The following RPUSD3 variants were observed in gnomAD, a reference collection of about 807,000 sequenced individuals.
RPUSD3 encodes mitochondrial mRNA pseudouridine synthase RPUSD3.
Under a neutral mutation model 35.1 loss-of-function variants are expected in RPUSD3, and 36 were observed. The observed-to-expected ratio is 1.02, with a 90% CI of 0.79 to 1.35. RPUSD3 has a LOEUF of 1.35. RPUSD3 is among the 40% of genes most tolerant of loss of function. The pLI, the probability that RPUSD3 is intolerant of heterozygous loss-of-function variation, is 0.00. For synonymous variants in RPUSD3, 202 were observed against 187.8 expected, an observed-to-expected ratio of 1.08 and a Z score of -0.62; for missense variants, 486 against 441.9, an observed-to-expected ratio of 1.10 and a Z score of -0.89.
At chr3:9,843,761 C>A in intron 1 of RPUSD3, 129 bp downstream of exon 1, 1 of 1,539,512 alleles carries the variant, frequency 6.5e-7, no homozygotes, top group Non-Finnish European at 8.8e-7. Flanking sequence ...CATTCTACAG[C>A]GGAGGGCACC....
chr3:9,841,012 C>G (rs1158726027), intron 4 of RPUSD3: 1 of 403,504 alleles, frequency 2.5e-6, no homozygotes. Context: ...CCCCGGCCCC[C>G]AGGGAACTCA....
intron 4 of RPUSD3, 81 bp from the exon 5 acceptor site, chr3:9,840,886 T>C: frequency 1.0e-6 from 1 of 979,174 alleles, no homozygotes. Context: ...AACACTGACC[T>C]GCTTCAGGCC....
rs532193337 is a variant in RPUSD3, at chr3:9,842,328, G to T, written c.263-85C>A. On this transcript the variant is annotated intron_variant, in intron 2 of 8. Coordinates refer to ENST00000383820, the Ensembl canonical transcript of RPUSD3. ...AAGAGTTTCCAGAGCACTTTCTCAC[G>T]CATCTTAGCACATGTCCCCATCATG... 7 of 1,290,992 alleles carry T rather than the reference G, an allele frequency of 5.4e-6. No individual in the cohort carries two copies. The Admixed American group carries it at 8.4e-5, about 15-fold the overall frequency. 80.0% of individuals were successfully genotyped at this position (1,290,992 alleles called of 1,614,324 possible).
intron 5 of RPUSD3, 28 bp from the exon 6 acceptor site, chr3:9,840,644 G>C (rs1478494408): frequency 3.1e-6 from 5 of 1,612,458 alleles, no homozygotes; most frequent in Non-Finnish European, 4.2e-6. Context: ...GGAGGTCACA[G>C]GGTGGCTTGC....
Position 9,843,874 on chromosome 3 carries a change from G to C in RPUSD3, c.125+16C>G, listed in dbSNP as rs1204716771. On this transcript the variant is annotated intron_variant, in intron 1 of 8. Coordinates refer to ENST00000383820, the Ensembl canonical transcript of RPUSD3. The stretch of plus-strand genomic sequence containing the variant: ...CCTAGCCTCCGTCCCGCATGAGAGA[G>C]GGGGTACTTAATCACCGGGCTTCGG... 1.9e-6 allele frequency: 3 copies of C among 1,597,538 alleles called. No homozygotes were observed. The African/African-American group carries it at 4.0e-5, about 21-fold the overall frequency.
intron 2 of RPUSD3, chr3:9,843,120 G>T (rs942617927): frequency 1.1e-4 from 27 of 246,038 alleles, no homozygotes; most frequent in Admixed American, 2.4e-4. Flanking sequence ...TCGAACTCCT[G>T]ACCTCAGGTG....
At chr3:9,838,985 C>T in intron 8 of RPUSD3, 47 bp downstream of exon 8, 1 of 1,613,142 alleles carries the variant, frequency 6.2e-7, no homozygotes, top group Non-Finnish European at 8.5e-7. Context: ...CCATGCTCAC[C>T]TCTCCCTCCA....
At chr3:9,843,414 C>G (rs2082130994) in intron 2 of RPUSD3, 51 bp downstream of exon 2, 3 of 1,606,046 alleles carry the variant, frequency 1.9e-6, no homozygotes, top group Non-Finnish European at 2.6e-6. Context: ...CAACTGCACG[C>G]CGAGGCAGTC....
At chr3:9,841,802 C>G (rs537475819) in intron 4 of RPUSD3, 181 bp downstream of exon 4, 1 of 581,698 alleles carries the variant, frequency 1.7e-6, no homozygotes, top group African/African-American at 1.9e-5. Flanking sequence ...TGGTATCACA[C>G]CATTTGTACT....
chr3:9,840,984 A>C (rs545304261), intron 4 of RPUSD3, 179 bp from the exon 5 acceptor site: 98 of 484,380 alleles, frequency 2.0e-4, no homozygotes, highest in African/African-American at 1.9e-3. Flanking sequence ...TATGTAGCTT[A>C]ATGTGTTTCT....
At chr3:9,843,261 A>T (rs1186203362) in intron 2 of RPUSD3, 4 of 661,966 alleles carry the variant, frequency 6.0e-6, no homozygotes, top group Non-Finnish European at 1.0e-5. Context: ...AGTTATTTGC[A>T]TCTTCTCCCC....
exon 9 of RPUSD3, chr3:9,837,945 G>A: frequency 6.8e-7 from 1 of 1,465,916 alleles, no homozygotes. Context: ...TGTGATCTTA[G>A]GTTTGTCTGA....
rs753072136 is a variant in RPUSD3 at position 9,843,791 on chromosome 3, G to A, written c.125+99C>T. On this transcript the variant is annotated intron_variant, in intron 1 of 8. Transcript: ENST00000383820. ...GGCACCGAGGCTCAGAGAGGCCAAC[G>A]GGGCTGTTTTCGGGTAACATCTACC... is the stretch of plus-strand genomic sequence containing the variant. 7 of 1,548,378 alleles carry A rather than the reference G, an allele frequency of 4.5e-6. No homozygotes were observed. The East Asian group carries it at 7.3e-5, about 16-fold the overall frequency.
chr3:9,837,982 AGT>A, exon 9 of RPUSD3: 1 of 1,517,850 alleles, frequency 6.6e-7, no homozygotes, highest in Non-Finnish European at 8.9e-7. Flanking sequence ...CTCACTTTCC[AGT>A]GTGTGTGAGG....
intron 8 of RPUSD3, among the ~76,000 whole-genome samples, chr3:9,838,742 C>T (rs11131194): frequency 0.48 from 73,700 of 152,016 alleles, 19,980 homozygotes; most frequent in Middle Eastern, 0.64. Flanking sequence ...TCCTAATACA[C>T]GCATGCCTTT....
intron 4 of RPUSD3, 149 bp downstream of exon 4, chr3:9,841,834 A>G (rs1284110782): frequency 1.5e-5 from 10 of 686,554 alleles, no homozygotes; most frequent in Middle Eastern, 2.5e-4. Flanking sequence ...ACCCAGAGCC[A>G]TCGGCTTCCT....
At chr3:9,842,519 T>A (rs1300273885) in intron 2 of RPUSD3, 3 of 533,856 alleles carry the variant, frequency 5.6e-6, no homozygotes, top group Admixed American at 3.2e-5. Flanking sequence ...GAATCTCCAA[T>A]CTAATGTCTG....
exon 9 of RPUSD3, chr3:9,838,181 G>A (rs1220987751): frequency 1.9e-6 from 3 of 1,611,968 alleles, no homozygotes; most frequent in East Asian, 2.2e-5. Context: ...TCAGGTGGAG[G>A]CGTCTGAGGA....
At chr3:9,840,650 C>G (rs780936506) in intron 5 of RPUSD3, 34 bp from the exon 6 acceptor site, 1 of 1,612,014 alleles carries the variant, frequency 6.2e-7, no homozygotes, top group Non-Finnish European at 8.5e-7. Context: ...CACAGGGTGG[C>G]TTGCTGGGAC....
Sources: gnomAD v4.1 joint callset for allele counts (sites outside exome capture counted in the v4.1 genomes callset) on GRCh38, gnomAD v4.1.1 for gene constraint, MANE v1.5 for transcripts, NCBI Gene and HGNC (gene_info 2026-07-23, HGNC 2026-07-21) for gene names.